The following WWOX variants were observed in gnomAD, a reference collection of about 807,000 sequenced individuals.
The protein encoded by WWOX is WW domain-containing oxidoreductase.
A neutral mutation model predicts 46.2 loss-of-function variants in WWOX; 69 were observed. That is an observed-to-expected ratio of 1.49 (90% CI 1.23 to 1.82). WWOX has a LOEUF of 1.82. Ranked by LOEUF, WWOX falls within the 40% of genes most tolerant of loss-of-function variation. The pLI is 0.00. For synonymous variants in WWOX, 359 were observed against 202.6 expected (o/e 1.77, Z -6.56); for missense variants, 919 against 542.6 (o/e 1.69, Z -6.89).
chr16:78,784,351 C>T (rs1028300491), intron 8 of WWOX, among the ~76,000 whole-genome samples: 4 of 152,146 alleles, frequency 2.6e-5, no homozygotes, highest in African/African-American at 9.7e-5. Flanking sequence ...GGTCCTCAGT[C>T]TCCTCATTGT....
chr16:78,506,728 T>TTTTTG lies in WWOX; in HGVS notation c.1056+73976_1056+73977insTTTTG, dbSNP rs1330915138. Among the ~76,000 whole-genome samples the TTTTTG allele has an allele frequency of 6.7e-4, 63 of 93,570 alleles. 3 individuals carry two copies. Among genetic ancestry groups the TTTTTG allele is most frequent in the African/African-American group, 9.0e-4 (23 of 25,508 alleles). 61.4% of individuals were successfully genotyped at this position (93,570 alleles called of 152,430 possible). On this transcript the variant is annotated intron_variant, in intron 8 of 8. Coordinates refer to ENST00000566780, the MANE Select transcript of WWOX (RefSeq NM_016373.4). ...TTTTTTTTTTTTTTTTTTTTTTTTT[T>TTTTTG]GTACAGAGTCTTGCTCTGTTGTCCA...
rs145483796 is a variant in WWOX, at chr16:79,046,145, C to T, written c.1057-165463C>T. ...TTGTAGGGATAATAATCCTCCCTTG[C>T]AGGACTGTGCTCAGCACATGTTCAT... is the stretch of plus-strand genomic sequence containing the variant. On this transcript the variant is annotated intron_variant, in intron 8 of 8. Coordinates refer to ENST00000566780, the MANE Select transcript of WWOX (RefSeq NM_016373.4). Among the ~76,000 whole-genome samples the T allele has an allele frequency of 1.8e-4, 27 of 152,274 alleles. No individual in the cohort carries two copies. The East Asian group carries it at 4.3e-3, about 24-fold the overall frequency.
intron 8 of WWOX, among the ~76,000 whole-genome samples, chr16:78,458,174 G>A (rs182436936): frequency 1.3e-5 from 2 of 151,430 alleles, no homozygotes; most frequent in East Asian, 3.9e-4. Flanking sequence ...CCATGATTTT[G>A]TCGAACTTGC....
intron 8 of WWOX, among the ~76,000 whole-genome samples, chr16:78,782,814 A>G (rs1015045369): frequency 4.6e-5 from 7 of 152,146 alleles, no homozygotes; most frequent in Non-Finnish European, 1.0e-4. Flanking sequence ...GATAAGATGT[A>G]CTGTTATTTT....
intron 8 of WWOX, among the ~76,000 whole-genome samples, chr16:78,903,785 C>T (rs886794846): frequency 6.6e-6 from 1 of 152,210 alleles, no homozygotes; most frequent in Admixed American, 6.5e-5. Context: ...GGGTTCCTTT[C>T]TAGCTCAATC....
chr16:78,796,711 C>G (rs1306042342), intron 8 of WWOX, among the ~76,000 whole-genome samples: 1 of 152,228 alleles, frequency 6.6e-6, no homozygotes, highest in Non-Finnish European at 1.5e-5. Context: ...AAGGGCCCTG[C>G]CTGGGCTAGG....
intron 8 of WWOX, among the ~76,000 whole-genome samples, chr16:78,468,444 C>T (rs996212473): frequency 6.6e-6 from 1 of 152,062 alleles, no homozygotes; most frequent in African/African-American, 2.4e-5. Context: ...AGAGTTCACA[C>T]TGAGTTTGCA....
At chr16:79,082,168 A>C (rs556754263) in intron 8 of WWOX, among the ~76,000 whole-genome samples, 3 of 152,158 alleles carry the variant, frequency 2.0e-5, no homozygotes, top group Non-Finnish European at 4.4e-5. Context: ...GGTTGTAACA[A>C]ATCTGATTCC....
At chr16:78,661,843 C>A (rs2047221404) in intron 8 of WWOX, among the ~76,000 whole-genome samples, 2 of 152,270 alleles carry the variant, frequency 1.3e-5, no homozygotes, top group South Asian at 4.1e-4. Flanking sequence ...TAGAGACCAG[C>A]CTGGGCAAAC....
intron 8 of WWOX, among the ~76,000 whole-genome samples, chr16:78,657,340 G>C (rs2142160840): frequency 6.6e-6 from 1 of 152,172 alleles, no homozygotes; most frequent in East Asian, 1.9e-4. Context: ...TGGGGGGAAG[G>C]GGACTTTCTT....
intron 8 of WWOX, among the ~76,000 whole-genome samples, chr16:78,668,670 C>G (rs574162758): frequency 6.6e-6 from 1 of 152,170 alleles, no homozygotes; most frequent in African/African-American, 2.4e-5. Flanking sequence ...AAGCTTTACC[C>G]CTGAGAAGAG....
At chr16:78,919,184 C>G (rs1322202552) in intron 8 of WWOX, among the ~76,000 whole-genome samples, 1 of 152,118 alleles carries the variant, frequency 6.6e-6, no homozygotes, top group African/African-American at 2.4e-5. Context: ...CATGCATGGG[C>G]TCTGTGCTAT....
chr16:78,925,361 G>T (rs573705561), intron 8 of WWOX, among the ~76,000 whole-genome samples: 1 of 152,252 alleles, frequency 6.6e-6, no homozygotes, highest in East Asian at 1.9e-4. Context: ...AACAAAGGGA[G>T]ATCCACCCTT....
Position 78,634,833 on chromosome 16 carries a change from A to AGTGT in WWOX, c.1056+202082_1056+202083insTGTG, listed in dbSNP as rs1272929994. ...ACTGGAGAGAGAGAGAGAGAGAGAG[A>AGTGT]GAGAGTGTGTGTGTGTGTGTGTGTG... On this transcript the variant is annotated intron_variant, in intron 8 of 8. Coordinates refer to ENST00000566780, the MANE Select transcript of WWOX (RefSeq NM_016373.4). Among the ~76,000 whole-genome samples the AGTGT allele has an allele frequency of 9.9e-5, 11 of 111,356 alleles. No individual in the cohort carries two copies. In the South Asian group the frequency reaches 2.2e-3, roughly 23 times the overall value. 73.1% of individuals were successfully genotyped at this position (111,356 alleles called of 152,430 possible).
chr16:78,658,431 T>A (rs1392060043), intron 8 of WWOX, among the ~76,000 whole-genome samples: 1 of 152,190 alleles, frequency 6.6e-6, no homozygotes, highest in African/African-American at 2.4e-5. Context: ...TCCCAGGGCT[T>A]CCTTGAAAAC....
chr16:78,592,896 G>C (rs1196947280), intron 8 of WWOX, among the ~76,000 whole-genome samples: 4 of 152,130 alleles, frequency 2.6e-5, no homozygotes. Flanking sequence ...CGAAAAGGTG[G>C]AGAGGGAACT....
intron 8 of WWOX, among the ~76,000 whole-genome samples, chr16:79,129,361 C>T (rs999052295): frequency 1.3e-5 from 2 of 148,422 alleles, no homozygotes; most frequent in African/African-American, 5.0e-5. Context: ...CTCTCAGTGC[C>T]TTAAAATTTG....
chr16:78,667,456 G>A (rs1019332708), intron 8 of WWOX, among the ~76,000 whole-genome samples: 1 of 151,818 alleles, frequency 6.6e-6, no homozygotes, highest in Non-Finnish European at 1.5e-5. Context: ...GGATCACAAG[G>A]TCAGGAGTTC....
intron 8 of WWOX, among the ~76,000 whole-genome samples, chr16:78,657,597 A>G (rs2047110643): frequency 6.6e-6 from 1 of 152,186 alleles, no homozygotes; most frequent in Admixed American, 6.5e-5. Context: ...CCCACAGCCT[A>G]CTGGACCTTT....
Sources: allele counts gnomAD v4.1 joint callset (sites outside exome capture counted in the v4.1 genomes callset), GRCh38; gene constraint gnomAD v4.1.1; transcripts MANE v1.5; gene names NCBI Gene and HGNC (gene_info 2026-07-23, HGNC 2026-07-21).